Variants in AGBL1 observed in about 807,000 individuals in gnomAD.
The protein encoded by AGBL1 is cytosolic carboxypeptidase 4.
In AGBL1, 130 loss-of-function variants were observed where a neutral mutation model predicts 118.9. That is an observed-to-expected ratio of 1.09 (90% CI 0.95 to 1.26). The LOEUF (loss-of-function observed/expected upper bound fraction) is 1.26. Among genes scored for constraint, AGBL1 ranks in the 50% most tolerant of loss-of-function variants. AGBL1 has a pLI of 0.00. For missense variants in AGBL1, 1,584 were observed against 1,298.1 expected, an observed-to-expected ratio of 1.22 and a Z score of -3.38; for synonymous variants, 555 against 478.9, an observed-to-expected ratio of 1.16 and a Z score of -2.08.
At chr15:86,868,172 A>C (rs1240830291) in intron 22 of AGBL1, among the ~76,000 whole-genome samples, 1 of 151,752 alleles carries the variant, frequency 6.6e-6, no homozygotes, top group African/African-American at 2.4e-5. Context: ...AACGTACATG[A>C]AAAAAAACAT....
chr15:86,724,559 T>C lies in AGBL1; in HGVS notation c.3158+50123T>C, dbSNP rs117179763. On this transcript the variant is annotated intron_variant, in intron 22 of 22. Transcript: ENST00000614907. ...AAGGGTAGAGGTAAGGGAGAAAGAA[T>C]AGTGACCTGGTGGTGACAATGAGGA... Among the ~76,000 whole-genome samples the C allele has an allele frequency of 8.5e-3, 1,293 of 152,220 alleles. 14 individuals carry two copies. The highest frequency in any genetic ancestry group is 0.013 in the Non-Finnish European group (889 of 68,002).
chr15:86,547,824 A>T (rs1473911729), intron 20 of AGBL1, among the ~76,000 whole-genome samples: 3 of 152,064 alleles, frequency 2.0e-5, no homozygotes, highest in Non-Finnish European at 2.9e-5. Context: ...TTATTACATC[A>T]AGTTTGTTGG....
rs190619501 is a variant in AGBL1, at chr15:86,182,449, C to A, written c.488+23423C>A. ...TCTAACTATATATTTCTCTCTCTCT[C>A]TATATTCAGTTCTTTATATTCTTAG... On this transcript the variant is annotated intron_variant, in intron 5 of 22. Transcript: ENST00000614907. Among the ~76,000 whole-genome samples the A allele has an allele frequency of 1.9e-3, 289 of 152,192 alleles. 1 individual carries two copies. Among genetic ancestry groups the A allele is most frequent in the African/African-American group, 3.2e-3 (135 of 41,550 alleles).
At chr15:86,974,852 A>C (rs2081157128) in intron 23 of AGBL1, among the ~76,000 whole-genome samples, 1 of 151,806 alleles carries the variant, frequency 6.6e-6, no homozygotes, top group East Asian at 1.9e-4. Context: ...CAATGTAGTA[A>C]ATTGACAGGA....
rs1200592315 is a variant in AGBL1 at position 86,634,457 on chromosome 15, A to T, written c.2995-39816A>T. ...GCTAAGTGAAAGAAGCCCATCATGAAATACCACATAAAGCACAATTCTATT... is the reference window on the plus strand; with the variant it reads ...GCTAAGTGAAAGAAGCCCATCATGATATACCACATAAAGCACAATTCTATT... On this transcript the variant is annotated intron_variant, in intron 21 of 22. Coordinates refer to ENST00000614907, the MANE Select transcript of AGBL1 (RefSeq NM_001386094.1). 3.3e-5 allele frequency among the ~76,000 whole-genome samples: 5 copies of T among 152,206 alleles called. No homozygotes were observed. The East Asian group carries it at 9.6e-4, about 29-fold the overall frequency.
chr15:86,407,592 G>A (rs967235243), intron 18 of AGBL1, among the ~76,000 whole-genome samples: 2 of 152,154 alleles, frequency 1.3e-5, no homozygotes, highest in Admixed American at 1.3e-4. Context: ...AGATAGGAAG[G>A]TAAAGTTTGT....
At chr15:86,676,248 G>A (rs766989441) in intron 22 of AGBL1, among the ~76,000 whole-genome samples, 9 of 128,284 alleles carry the variant, frequency 7.0e-5, no homozygotes, top group Non-Finnish European at 1.2e-4. Flanking sequence ...TAGATCAGCA[G>A]GAGGGAAACT....
At chr15:86,528,384 A>G (rs1221528003) in intron 19 of AGBL1, among the ~76,000 whole-genome samples, 1 of 152,170 alleles carries the variant, frequency 6.6e-6, no homozygotes, top group Non-Finnish European at 1.5e-5. Context: ...CCACCCGAAT[A>G]TTGCGCTTTT....
At chr15:86,141,340 G>C (rs1008388095) in intron 1 of AGBL1, among the ~76,000 whole-genome samples, 5 of 152,194 alleles carry the variant, frequency 3.3e-5, no homozygotes, top group Non-Finnish European at 5.9e-5. Context: ...GTGGATTTCT[G>C]TTTCTTGCCT....
chr15:86,904,737 CATG>C (rs1419145641), intron 22 of AGBL1, among the ~76,000 whole-genome samples: 41 of 150,356 alleles, frequency 2.7e-4, no homozygotes, highest in Non-Finnish European at 5.2e-4. Flanking sequence ...AATTCACAGA[CATG>C]ATAATTGTGG....
chr15:86,988,368 G>A, intron 24 of AGBL1: 2 of 271,374 alleles, frequency 7.4e-6, no homozygotes, highest in Non-Finnish European at 1.4e-5. Flanking sequence ...CTCAATTGGT[G>A]GATCCCTTTG....
intron 17 of AGBL1, chr15:86,296,221 AAAAAAAAAC>A (rs2079637183): frequency 1.3e-5 from 2 of 150,608 alleles, no homozygotes; most frequent in East Asian, 1.9e-4. Context: ...TAGGCAAAAA[AAAAAAAAAC>A]AAAAAAACAA....
intron 5 of AGBL1, among the ~76,000 whole-genome samples, chr15:86,191,220 C>T (rs371229394): frequency 5.9e-5 from 9 of 151,642 alleles, no homozygotes; most frequent in East Asian, 1.9e-4. Context: ...TGGTGGCAGG[C>T]GCCTGTAATC....
intron 22 of AGBL1, among the ~76,000 whole-genome samples, chr15:86,808,274 C>G (rs930705583): frequency 1.8e-4 from 27 of 152,156 alleles, no homozygotes; most frequent in African/African-American, 6.3e-4. Flanking sequence ...CTACCCGTGC[C>G]TTTCCTGTAG....
At chr15:86,186,272 C>T (rs1221550599) in intron 5 of AGBL1, among the ~76,000 whole-genome samples, 1 of 152,134 alleles carries the variant, frequency 6.6e-6, no homozygotes, top group African/African-American at 2.4e-5. Flanking sequence ...CTAATGTATG[C>T]TGGACTTAAT....
chr15:86,834,761 A>C (rs2079149474), intron 22 of AGBL1, among the ~76,000 whole-genome samples: 1 of 152,168 alleles, frequency 6.6e-6, no homozygotes, highest in Non-Finnish European at 1.5e-5. Flanking sequence ...ATGCCAGGCC[A>C]CTGTCACCTT....
intron 19 of AGBL1, among the ~76,000 whole-genome samples, chr15:86,533,338 G>T (rs2083376812): frequency 7.5e-6 from 1 of 133,046 alleles, no homozygotes; most frequent in African/African-American, 3.1e-5. Flanking sequence ...AGACATTTAT[G>T]CAGCCAAAAA....
intron 22 of AGBL1, among the ~76,000 whole-genome samples, chr15:86,751,390 A>T (rs2077849074): frequency 6.6e-6 from 1 of 152,122 alleles, no homozygotes; most frequent in Non-Finnish European, 1.5e-5. Flanking sequence ...AGACAGATTA[A>T]AGACTTAAAC....
chr15:86,719,123 A>G (rs2086680020), intron 22 of AGBL1, among the ~76,000 whole-genome samples: 1 of 152,216 alleles, frequency 6.6e-6, no homozygotes, highest in Non-Finnish European at 1.5e-5. Context: ...TAGAGCAAAT[A>G]TAACAAGAAA....
Sources: allele counts gnomAD v4.1 joint callset (sites outside exome capture counted in the v4.1 genomes callset), GRCh38; gene constraint gnomAD v4.1.1; transcripts MANE v1.5; gene names NCBI Gene and HGNC (gene_info 2026-07-23, HGNC 2026-07-21).